Variants in CYRIB observed in about 807,000 individuals in gnomAD.
CYRIB encodes the protein CYFIP-related Rac1 interactor B.
CYRIB carries 8 observed loss-of-function variants against 44.2 expected under a neutral mutation model. The observed-to-expected ratio is 0.18, with a 90% CI of 0.11 to 0.33. The LOEUF (loss-of-function observed/expected upper bound fraction) is 0.33. Ranked by LOEUF, CYRIB falls within the 10% of genes least tolerant of loss-of-function variation. CYRIB has a pLI of 1.00. For synonymous variants in CYRIB, 131 were observed against 127.2 expected (o/e 1.03, Z -0.20); for missense variants, 185 against 382.8 (o/e 0.48, Z 4.31).
At chr8:129,858,761 T>C (rs1233951635) in intron 5 of CYRIB, among the ~76,000 whole-genome samples, 1 of 152,148 alleles carries the variant, frequency 6.6e-6, no homozygotes, top group African/African-American at 2.4e-5. Context: ...TGTAAGCCCC[T>C]AAAGCATGAG....
chr8:129,989,542 G>A (rs1035232593), intron 1 of CYRIB, among the ~76,000 whole-genome samples: 16 of 152,168 alleles, frequency 1.1e-4, no homozygotes, highest in African/African-American at 3.9e-4. Flanking sequence ...TGCATGGCCA[G>A]AGGGGGTCCT....
intron 4 of CYRIB, among the ~76,000 whole-genome samples, chr8:129,870,055 A>G (rs2133149514): frequency 6.6e-6 from 1 of 152,326 alleles, no homozygotes; most frequent in South Asian, 2.1e-4. Flanking sequence ...GTGCATATCA[A>G]CAAACAGAAT....
At chr8:129,857,006 A>T (rs2046525521) in intron 5 of CYRIB, among the ~76,000 whole-genome samples, 1 of 152,232 alleles carries the variant, frequency 6.6e-6, no homozygotes, top group Non-Finnish European at 1.5e-5. Context: ...AAACAATAGT[A>T]GGTACTTCCT....
chr8:129,976,229 A>G (rs2095909403), intron 1 of CYRIB, among the ~76,000 whole-genome samples: 1 of 152,024 alleles, frequency 6.6e-6, no homozygotes, highest in Non-Finnish European at 1.5e-5. Flanking sequence ...ACTTATGCCT[A>G]TAATCCTGTT....
intron 1 of CYRIB, among the ~76,000 whole-genome samples, chr8:129,983,464 T>C (rs1056192361): frequency 1.3e-5 from 2 of 151,628 alleles, no homozygotes; most frequent in Admixed American, 1.3e-4. Flanking sequence ...GAAAAATAAA[T>C]ATATATATAT....
intron 1 of CYRIB, among the ~76,000 whole-genome samples, chr8:129,978,874 G>T (rs905315356): frequency 6.6e-6 from 1 of 152,148 alleles, no homozygotes; most frequent in African/African-American, 2.4e-5. Flanking sequence ...GGTGGCTCAC[G>T]TCTGTAATCC....
intron 2 of CYRIB, among the ~76,000 whole-genome samples, chr8:129,898,094 G>GT (rs34731759): frequency 0.97 from 142,733 of 146,788 alleles, 69,444 homozygotes; most frequent in East Asian, 1. Flanking sequence ...AAGTTTTTTT[G>GT]TTTTTTTTTT....
At chr8:129,956,154 T>A (rs913050069) in intron 2 of CYRIB, among the ~76,000 whole-genome samples, 1 of 152,202 alleles carries the variant, frequency 6.6e-6, no homozygotes, top group Non-Finnish European at 1.5e-5. Context: ...GCAGTGAGAA[T>A]CAGAAGTGAT....
chr8:129,855,572 A>G, intron 6 of CYRIB, 39 bp downstream of exon 8: 1 of 1,609,436 alleles, frequency 6.2e-7, no homozygotes, highest in Non-Finnish European at 8.5e-7. Flanking sequence ...TAAAAGATTC[A>G]TGATTTTCGT....
intron 3 of CYRIB, among the ~76,000 whole-genome samples, chr8:129,873,363 T>C (rs2058036917): frequency 6.6e-6 from 1 of 152,014 alleles, no homozygotes; most frequent in Non-Finnish European, 1.5e-5. Context: ...TATTTAGCAG[T>C]AATAATTTAC....
intron 2 of CYRIB, among the ~76,000 whole-genome samples, chr8:129,962,014 C>T (rs1311688334): frequency 2.0e-5 from 3 of 152,114 alleles, no homozygotes. Context: ...CTTTGGGAGG[C>T]CGAGGTGGGA....
At chr8:129,990,044 T>A (rs2096589447) in intron 1 of CYRIB, among the ~76,000 whole-genome samples, 1 of 152,140 alleles carries the variant, frequency 6.6e-6, no homozygotes, top group South Asian at 2.1e-4. Flanking sequence ...CATCGTTGAC[T>A]TTCCGAGGCA....
At chr8:129,869,585 C>G (rs1457824583) in intron 4 of CYRIB, among the ~76,000 whole-genome samples, 1 of 152,026 alleles carries the variant, frequency 6.6e-6, no homozygotes, top group Admixed American at 6.5e-5. Context: ...TCATTTAAAT[C>G]TTTCACTTCC....
intron 1 of CYRIB, among the ~76,000 whole-genome samples, chr8:129,939,053 G>C (rs1365252104): frequency 6.6e-6 from 1 of 152,198 alleles, no homozygotes; most frequent in Non-Finnish European, 1.5e-5. Flanking sequence ...ATCTGGCCGC[G>C]CAGGTGGAAG....
At chr8:129,959,144 A>T (rs933128946) in intron 2 of CYRIB, among the ~76,000 whole-genome samples, 2 of 151,828 alleles carry the variant, frequency 1.3e-5, no homozygotes, top group African/African-American at 2.4e-5. Context: ...ACTACTCCCA[A>T]GGCCCTGCTT....
chr8:129,853,455 G>C (rs1165125481), intron 7 of CYRIB, among the ~76,000 whole-genome samples: 1 of 152,126 alleles, frequency 6.6e-6, no homozygotes, highest in African/African-American at 2.4e-5. Context: ...ATGAATGATA[G>C]TCTTTGATAT....
intron 1 of CYRIB, among the ~76,000 whole-genome samples, chr8:129,905,853 T>C (rs117905475): frequency 0.019 from 2,870 of 152,260 alleles, 40 homozygotes; most frequent in Middle Eastern, 0.044. Context: ...AGGTCATAAA[T>C]AGTAAATATT....
At chr8:129,840,770 G>C (rs1222080189) in exon 12 of CYRIB, 1 of 152,378 alleles carries the variant, frequency 6.6e-6, no homozygotes, top group African/African-American at 2.4e-5. Context: ...TGCAGGACAG[G>C]GTGTGAAGTG....
At chr8:130,013,506 C>T (rs2097272915) in intron 1 of CYRIB, among the ~76,000 whole-genome samples, 1 of 152,218 alleles carries the variant, frequency 6.6e-6, no homozygotes, top group Admixed American at 6.5e-5. Context: ...TGATAAAATT[C>T]ATACTTAAAA....
Sources: allele counts gnomAD v4.1 joint callset (sites outside exome capture counted in the v4.1 genomes callset), GRCh38; gene constraint gnomAD v4.1.1; transcripts MANE v1.5; gene names NCBI Gene and HGNC (gene_info 2026-07-23, HGNC 2026-07-21).